SANBR: variants seen among roughly 807,000 people sequenced by gnomAD.
The protein encoded by SANBR is SANT and BTB domain regulator of class switch recombination.
SANBR carries 77 observed loss-of-function variants against 101.8 expected under a neutral mutation model. The ratio of observed to expected loss-of-function variants is 0.76; its 90% confidence interval spans 0.63 to 0.91. SANBR has a LOEUF of 0.91. Ranked by LOEUF, SANBR falls within the 40% of genes least tolerant of loss-of-function variation. SANBR has a pLI of 0.00. For synonymous variants in SANBR, 279 were observed against 274.7 expected (o/e 1.02, Z -0.15); for missense variants, 875 against 853.0 (o/e 1.03, Z -0.32).
At chr2:61,073,139 G>A (rs910588823) in intron 4 of SANBR, among the ~76,000 whole-genome samples, 5 of 152,140 alleles carry the variant, frequency 3.3e-5, no homozygotes, top group African/African-American at 1.2e-4. Context: ...CAGCGGCAGA[G>A]TATTGATGTA....
chr2:61,070,650 A>C (rs947193760), intron 3 of SANBR, 150 bp downstream of exon 3: 6 of 414,778 alleles, frequency 1.4e-5, no homozygotes, highest in African/African-American at 2.2e-5. Context: ...ATTTGACTAG[A>C]TGCAAATTAC....
At chr2:61,098,077 A>ATT (rs1200713012) in intron 12 of SANBR, among the ~76,000 whole-genome samples, 3 of 116,826 alleles carry the variant, frequency 2.6e-5, no homozygotes, top group East Asian at 4.8e-4. Flanking sequence ...ATATATATAT[A>ATT]TTTTTTGGAG....
intron 11 of SANBR, chr2:61,094,066 C>G: frequency 1.0e-6 from 1 of 982,718 alleles, no homozygotes; most frequent in Non-Finnish European, 1.2e-6. Flanking sequence ...TTGTCAAAAT[C>G]TTCAGATTGG....
At chr2:61,132,971 G>C (rs1213151679) in intron 20 of SANBR, among the ~76,000 whole-genome samples, 1 of 152,156 alleles carries the variant, frequency 6.6e-6, no homozygotes, top group Non-Finnish European at 1.5e-5. Context: ...TTAGGGACTG[G>C]CCAGGTGCAG....
intron 10 of SANBR, chr2:61,090,608 C>G (rs1682692589): frequency 6.5e-6 from 1 of 153,006 alleles, no homozygotes; most frequent in African/African-American, 2.4e-5. Flanking sequence ...GCCTTGAACT[C>G]CTGGACTTTC....
downstream of SANBR, among the ~76,000 whole-genome samples, chr2:61,126,483 T>C (rs926765426): frequency 6.6e-6 from 1 of 152,124 alleles, no homozygotes; most frequent in African/African-American, 2.4e-5. Context: ...TTAACACTAA[T>C]AGCATCCCAT....
chr2:61,071,322 A>G (rs1681453394), intron 3 of SANBR, among the ~76,000 whole-genome samples: 1 of 152,150 alleles, frequency 6.6e-6, no homozygotes, highest in African/African-American at 2.4e-5. Flanking sequence ...AAGCCGAGGC[A>G]GGCAGATCAC....
chr2:61,100,260 A>G (rs1425592215), intron 12 of SANBR, among the ~76,000 whole-genome samples: 1 of 152,140 alleles, frequency 6.6e-6, no homozygotes, highest in Non-Finnish European at 1.5e-5. Flanking sequence ...ATGTGCCACC[A>G]TGCCTGGCTA....
At chr2:61,079,025 T>G (rs1681945074) in intron 6 of SANBR, among the ~76,000 whole-genome samples, 1 of 151,750 alleles carries the variant, frequency 6.6e-6, no homozygotes, top group Non-Finnish European at 1.5e-5. Context: ...GGTGACAGAG[T>G]GAGACCCTTT....
intron 12 of SANBR, among the ~76,000 whole-genome samples, chr2:61,098,414 C>A (rs996706481): frequency 1.3e-5 from 2 of 152,020 alleles, no homozygotes; most frequent in Non-Finnish European, 2.9e-5. Flanking sequence ...TTATATATGG[C>A]TTTTTATATT....
intron 16 of SANBR, 43 bp downstream of exon 16, chr2:61,109,339 G>C: frequency 8.8e-7 from 1 of 1,139,790 alleles, no homozygotes; most frequent in Non-Finnish European, 1.3e-6. Flanking sequence ...TGTTTATGAA[G>C]GGGTTACATT....
At chr2:61,129,753 T>C (rs1156639669) in intron 20 of SANBR, among the ~76,000 whole-genome samples, 1 of 152,040 alleles carries the variant, frequency 6.6e-6, no homozygotes, top group Non-Finnish European at 1.5e-5. Context: ...CAATAAAAGC[T>C]ATAAATATGT....
intron 20 of SANBR, among the ~76,000 whole-genome samples, chr2:61,120,064 T>C (rs1573669159): frequency 6.6e-6 from 1 of 152,150 alleles, no homozygotes; most frequent in Non-Finnish European, 1.5e-5. Context: ...CTTTGGAAAA[T>C]AGTTTGGCAA....
Position 61,117,394 on chromosome 2 carries a change from T to G in SANBR, c.1865+9T>G. ...GATGTGTCTCCTTTCGTGTGAGTAT[T>G]GCTCCTTAATCCAATCGGATATCCA... is the stretch of plus-strand genomic sequence containing the variant. On this transcript the variant is annotated intron_variant, in intron 18 of 21. Coordinates refer to ENST00000402291, the MANE Select transcript of SANBR (RefSeq NM_001129993.3). 2 of 1,613,896 alleles carry G rather than the reference T, an allele frequency of 1.2e-6. No individual in the cohort carries two copies. Among genetic ancestry groups the G allele is most frequent in the South Asian group, 1.1e-5 (1 of 91,082 alleles).
chr2:61,098,679 G>A (rs1683149413), intron 12 of SANBR, among the ~76,000 whole-genome samples: 1 of 152,124 alleles, frequency 6.6e-6, no homozygotes, highest in Non-Finnish European at 1.5e-5. Flanking sequence ...TAGATTCTCT[G>A]ATCACAAACA....
chr2:61,097,926 T>G (rs893842440), intron 12 of SANBR, 74 bp downstream of exon 12: 12 of 1,212,994 alleles, frequency 9.9e-6, no homozygotes, highest in Admixed American at 4.3e-5. Context: ...TATAAAAGAC[T>G]TCAAACAATA....
downstream of SANBR, among the ~76,000 whole-genome samples, chr2:61,125,758 AT>A (rs1264315099): frequency 6.6e-6 from 1 of 152,152 alleles, no homozygotes; most frequent in Non-Finnish European, 1.5e-5. Flanking sequence ...CATGCTCCTG[AT>A]ACATTCCTTA....
intron 3 of SANBR, among the ~76,000 whole-genome samples, chr2:61,071,210 T>C (rs1478658930): frequency 6.6e-6 from 1 of 152,200 alleles, no homozygotes; most frequent in African/African-American, 2.4e-5. Context: ...TTGAAAAATA[T>C]CTTCAAATAG....
rs1682561559 is a variant in SANBR, at chr2:61,088,393, C to G, written c.1013C>G (p.Thr338Arg). The G allele has an allele frequency of 6.2e-7, 1 of 1,600,026 alleles. No individual in the cohort carries two copies. Among genetic ancestry groups the G allele is most frequent in the Non-Finnish European group, 8.5e-7 (1 of 1,174,676 alleles). The change falls in exon 10 of 22, where the codon ACA (threonine) becomes AGA (arginine). Residue 338 changes from threonine (T) to arginine (R), a missense_variant. Thr to Arg is a moderately conservative substitution (Grantham distance 71, BLOSUM62 -1). Coordinates refer to ENST00000402291, the MANE Select transcript of SANBR (RefSeq NM_001129993.3). ...CLCKKLLTKE[T>R]ERRIPCIPGK... ...TGTAAGAAACTTTTAACAAAAGAAA[C>G]AGAAAGAAGAATTCCTTGCATTCCT...
Sources: allele counts gnomAD v4.1 joint callset (sites outside exome capture counted in the v4.1 genomes callset), GRCh38; gene constraint gnomAD v4.1.1; transcripts MANE v1.5; gene names NCBI Gene and HGNC (gene_info 2026-07-23, HGNC 2026-07-21).